Variants in TLCD3A observed in about 807,000 individuals in gnomAD.
The protein encoded by TLCD3A is TLC domain containing 3A.
In TLCD3A, 17 loss-of-function variants were observed where a neutral mutation model predicts 29.9. That is an observed-to-expected ratio of 0.57 (90% CI 0.39 to 0.85). The LOEUF (loss-of-function observed/expected upper bound fraction) is 0.85. Among genes scored for constraint, TLCD3A ranks in the 40% least tolerant of loss-of-function variants. The pLI is 0.00. For missense variants in TLCD3A, 332 were observed against 350.8 expected, an observed-to-expected ratio of 0.95 and a Z score of 0.43; for synonymous variants, 143 against 147.7, an observed-to-expected ratio of 0.97 and a Z score of 0.23.
Position 741,582 on chromosome 17 carries a change from A to G in TLCD3A, c.*12A>G. 6.2e-7 allele frequency: 1 copy of G among 1,609,144 alleles called. No homozygotes were observed. Among genetic ancestry groups the G allele is most frequent in the Non-Finnish European group, 8.5e-7 (1 of 1,179,716 alleles). On this transcript the variant is annotated 3_prime_UTR_variant, in exon 5 of 5. Transcript: ENST00000308278. ...AAAAGGATGGCTAAATGCTCCTGGG[A>G]GTCAGGCGCAGCCTCACACCAGCTG... is the stretch of plus-strand genomic sequence containing the variant.
chr17:736,496 C>T (rs966001885), intron 2 of TLCD3A, among the ~76,000 whole-genome samples: 2 of 152,188 alleles, frequency 1.3e-5, no homozygotes, highest in Admixed American at 6.6e-5. Context: ...TGCTCTAGGA[C>T]GGTGATCAAC....
intron 2 of TLCD3A, among the ~76,000 whole-genome samples, chr17:734,109 C>T (rs866641641): frequency 3.3e-5 from 5 of 152,098 alleles, no homozygotes; most frequent in South Asian, 4.1e-4. Flanking sequence ...GTAGATGCTA[C>T]GATAGATCAA....
intron 1 of TLCD3A, 106 bp downstream of exon 1, chr17:732,875 G>T (rs1420581051): frequency 1.9e-5 from 26 of 1,379,666 alleles, no homozygotes; most frequent in Admixed American, 7.3e-5. Context: ...GAAGCCCGGG[G>T]GCTGCTCCCT....
chr17:739,970 C>T (rs990615536), intron 3 of TLCD3A, among the ~76,000 whole-genome samples: 4 of 152,036 alleles, frequency 2.6e-5, no homozygotes, highest in African/African-American at 9.7e-5. Flanking sequence ...CATTTGAACC[C>T]GGGAGGCAGA....
intron 4 of TLCD3A, among the ~76,000 whole-genome samples, chr17:740,898 C>T (rs147046739): frequency 2.4e-4 from 36 of 152,306 alleles, no homozygotes; most frequent in Admixed American, 6.5e-4. Flanking sequence ...GATCCTTCAA[C>T]AGCCTTAAAG....
chr17:740,819 T>A (rs1471237111), intron 4 of TLCD3A, among the ~76,000 whole-genome samples: 1 of 151,792 alleles, frequency 6.6e-6, no homozygotes, highest in Non-Finnish European at 1.5e-5. Flanking sequence ...TGGGAGGGAG[T>A]GGATTCTGCT....
Position 741,649 on chromosome 17 carries a change from G to T in TLCD3A, c.*79G>T. On this transcript the variant is annotated 3_prime_UTR_variant, in exon 5 of 5. Coordinates refer to ENST00000308278, the MANE Select transcript of TLCD3A (RefSeq NM_024792.3). ...TTCCATGGACCAAATTGTGCCCTGG[G>T]TAGCCTCAGACTTTGGGTATTGATA... 1.3e-6 allele frequency: 2 copies of T among 1,531,052 alleles called. No individual in the cohort carries two copies. The allele number at this position is 1,531,052 out of a possible 1,614,324, so 94.8% of individuals were successfully genotyped here. A position where few individuals can be genotyped will look rare whatever the true frequency, so the allele number is the denominator to read the frequency against.
intron 2 of TLCD3A, among the ~76,000 whole-genome samples, chr17:734,078 C>G (rs1974117580): frequency 6.6e-6 from 1 of 152,188 alleles, no homozygotes; most frequent in South Asian, 2.1e-4. Flanking sequence ...AAAAACAAAA[C>G]TGGCTATTGG....
At chr17:733,226 T>C (rs1475856411) in intron 2 of TLCD3A, 45 bp downstream of exon 2, 1 of 1,465,284 alleles carries the variant, frequency 6.8e-7, no homozygotes, top group Non-Finnish European at 9.1e-7. Context: ...CACATTTCAG[T>C]AGCTCGCAGG....
intron 2 of TLCD3A, among the ~76,000 whole-genome samples, chr17:736,464 T>C (rs566373849): frequency 2.0e-5 from 3 of 152,350 alleles, no homozygotes; most frequent in Admixed American, 1.3e-4. Flanking sequence ...TTGTATGAAT[T>C]GTAGAGGCTT....
chr17:733,373 A>G (rs1455915338), intron 2 of TLCD3A, among the ~76,000 whole-genome samples, 192 bp downstream of exon 2: 1 of 152,244 alleles, frequency 6.6e-6, no homozygotes, highest in Non-Finnish European at 1.5e-5. Context: ...AGGGAGGACG[A>G]CAGAGTCGGA....
At chr17:738,665 T>C (rs1474496736) in intron 3 of TLCD3A, among the ~76,000 whole-genome samples, 3 of 152,228 alleles carry the variant, frequency 2.0e-5, no homozygotes, top group Admixed American at 6.5e-5. Context: ...CTCAAACTAC[T>C]GGCCTCAAGT....
intron 3 of TLCD3A, among the ~76,000 whole-genome samples, chr17:738,948 A>T (rs1279815186): frequency 2.0e-5 from 3 of 151,712 alleles, no homozygotes; most frequent in Non-Finnish European, 4.4e-5. Flanking sequence ...TCAATACAAG[A>T]TAAAAACAAT....
In TLCD3A at chr17:732,849, A is replaced by G. The variant is rs886441343; in HGVS notation, c.122+80A>G. 7 of 1,367,860 alleles carry G rather than the reference A, an allele frequency of 5.1e-6. No individual in the cohort carries two copies. The African/African-American group carries it at 1.1e-4, about 21-fold the overall frequency. The allele number at this position is 1,367,860 out of a possible 1,614,324, so 84.7% of individuals were successfully genotyped here. On this transcript the variant is annotated intron_variant, in intron 1 of 4. Transcript: ENST00000308278. Reference sequence around the variant, plus strand: ...CACCCGGCCGCGGGGCCCAGGGCGGAAAAGGGGGGCGGCAGGAAGCCCGGG... The same window carrying G: ...CACCCGGCCGCGGGGCCCAGGGCGGGAAAGGGGGGCGGCAGGAAGCCCGGG...
chr17:736,729 C>T (rs1428667657), intron 2 of TLCD3A, among the ~76,000 whole-genome samples: 1 of 152,142 alleles, frequency 6.6e-6, no homozygotes, highest in East Asian at 1.9e-4. Flanking sequence ...GATCTCGGCT[C>T]ACTGCAACCT....
Position 741,895 on chromosome 17 carries a change from TAAGTG to T in TLCD3A, c.*326_*330del. On this transcript the variant is annotated 3_prime_UTR_variant, in exon 5 of 5. Coordinates refer to ENST00000308278, the MANE Select transcript of TLCD3A (RefSeq NM_024792.3). ...GGGTGGGATCGGTGGACCAGGGTGG[TAAGTG>T]TCTGCACATCTGCCTGTCCCTGTAT... 1 of 389,272 alleles carries T rather than the reference TAAGTG, an allele frequency of 2.6e-6. No individual in the cohort carries two copies. The highest frequency in any genetic ancestry group is 6.2e-5 in the East Asian group (1 of 16,252). 24.1% of individuals were successfully genotyped at this position (389,272 alleles called of 1,614,324 possible).
rs1064245 is a variant in TLCD3A, at chr17:741,746, A to C, written c.*176A>C. ...TCTTCTAACTTGCCCTATTTGCAAA[A>C]GCACTTTTGTAGTAACAACTATTGG... On this transcript the variant is annotated 3_prime_UTR_variant, in exon 5 of 5. Transcript: ENST00000308278. The C allele has an allele frequency of 0.22, 174,566 of 778,880 alleles. 20,838 individuals carry two copies. Among genetic ancestry groups the C allele is most frequent in the Non-Finnish European group, 0.25 (126,817 of 499,648 alleles). The allele number at this position is 778,880 out of a possible 1,614,324, so 48.2% of individuals were successfully genotyped here.
At chr17:739,370 T>G (rs2644704) in intron 3 of TLCD3A, among the ~76,000 whole-genome samples, 131,280 of 152,126 alleles carry the variant, frequency 0.86, 56,869 homozygotes, top group African/African-American at 0.94. Context: ...TATATTTTTA[T>G]TAGAGACGGG....
chr17:732,951 G>A lies in TLCD3A; in HGVS notation c.123-147G>A, dbSNP rs562022158. On this transcript the variant is annotated intron_variant, in intron 1 of 4. Transcript: ENST00000308278. ...CCTCCCCTGGCGGGAGCGGGGCCGG[G>A]GCGGGCGGGAATGGCCGATGAGCCT... 16 of 1,402,600 alleles carry A rather than the reference G, an allele frequency of 1.1e-5. No homozygotes were observed. The South Asian group carries it at 1.5e-4, about 13-fold the overall frequency. The allele number at this position is 1,402,600 out of a possible 1,614,324, so 86.9% of individuals were successfully genotyped here. A position where few individuals can be genotyped will look rare whatever the true frequency, so the allele number is the denominator to read the frequency against.
Sources: gnomAD v4.1 joint callset for allele counts (sites outside exome capture counted in the v4.1 genomes callset) on GRCh38, gnomAD v4.1.1 for gene constraint, MANE v1.5 for transcripts, NCBI Gene and HGNC (gene_info 2026-07-23, HGNC 2026-07-21) for gene names.